Variants in PTPRD observed in about 807,000 individuals in gnomAD.
PTPRD encodes the protein receptor-type tyrosine-protein phosphatase delta.
In PTPRD, 34 loss-of-function variants were observed where a neutral mutation model predicts 214.5. The observed-to-expected ratio is 0.16, with a 90% confidence interval of 0.12 to 0.21. The LOEUF (loss-of-function observed/expected upper bound fraction) is 0.21. Ranked by LOEUF, PTPRD falls within the 10% of genes least tolerant of loss-of-function variation. The probability of loss-of-function intolerance (pLI) is 1.00; values close to 1 mark genes in which losing one functional copy is unlikely to be tolerated. For synonymous variants in PTPRD, 1,128 were observed against 845.7 expected (o/e 1.33, Z -5.79); for missense variants, 2,545 against 2,398.7 (o/e 1.06, Z -1.27).
intron 2 of PTPRD, among the ~76,000 whole-genome samples, chr9:10,604,496 G>A (rs904326348): frequency 6.6e-6 from 1 of 151,792 alleles, no homozygotes; most frequent in African/African-American, 2.4e-5. Flanking sequence ...ATATCCTCCT[G>A]AGGGGCAGGA....
intron 10 of PTPRD, among the ~76,000 whole-genome samples, chr9:9,107,131 A>G (rs1376978853): frequency 6.6e-6 from 1 of 152,296 alleles, no homozygotes; most frequent in South Asian, 2.1e-4. Context: ...TGAGGATATG[A>G]GTAATGGAAG....
chr9:9,401,923 TC>T (rs2141387705), intron 8 of PTPRD, among the ~76,000 whole-genome samples: 1 of 152,120 alleles, frequency 6.6e-6, no homozygotes, highest in Non-Finnish European at 1.5e-5. Flanking sequence ...TCCTGAGGCC[TC>T]CCAAGCCAAG....
At chr9:8,736,556 T>A (rs952749557) in intron 11 of PTPRD, among the ~76,000 whole-genome samples, 20 of 152,228 alleles carry the variant, frequency 1.3e-4, no homozygotes, top group Non-Finnish European at 2.1e-4. Context: ...CCATAGTATG[T>A]CATTTCTGAA....
intron 11 of PTPRD, among the ~76,000 whole-genome samples, chr9:8,760,753 G>C (rs1186841291): frequency 6.6e-6 from 1 of 151,950 alleles, no homozygotes; most frequent in East Asian, 1.9e-4. Context: ...GAATGCAATG[G>C]CCTTTCTAGT....
intron 11 of PTPRD, among the ~76,000 whole-genome samples, chr9:8,780,531 A>G (rs749423335): frequency 1.6e-4 from 24 of 152,166 alleles, no homozygotes; most frequent in Admixed American, 4.6e-4. Flanking sequence ...GAGGTACCGG[A>G]GAAGTCTAAC....
intron 5 of PTPRD, among the ~76,000 whole-genome samples, chr9:9,817,851 G>T (rs1049575624): frequency 6.6e-6 from 1 of 152,118 alleles, no homozygotes; most frequent in Non-Finnish European, 1.5e-5. Context: ...TGTGTCTCAC[G>T]GAAACCAGAA....
At chr9:8,638,459 A>G (rs2096496035) in intron 12 of PTPRD, among the ~76,000 whole-genome samples, 1 of 152,174 alleles carries the variant, frequency 6.6e-6, no homozygotes, top group South Asian at 2.1e-4. Flanking sequence ...ATGTAACTTT[A>G]CCATTTCTTG....
intron 7 of PTPRD, among the ~76,000 whole-genome samples, chr9:9,676,400 G>A: frequency 6.6e-6 from 1 of 151,510 alleles, no homozygotes; most frequent in Non-Finnish European, 1.5e-5. Flanking sequence ...CCTTGTGATA[G>A]TTTGCTGAGA....
rs141556940 is a variant in PTPRD at position 10,455,682 on chromosome 9, T to A, written c.-599-114665A>T. Among the ~76,000 whole-genome samples the A allele has an allele frequency of 4.6e-3, 694 of 151,936 alleles. 4 individuals are homozygous for A. The highest frequency in any genetic ancestry group is 0.016 in the African/African-American group (656 of 41,544). On this transcript the variant is annotated intron_variant, in intron 2 of 45. Transcript: ENST00000381196. Reference sequence around the variant, plus strand: ...CTTTATGGGACATATTCATCCTTTGTTGAGAACCAATACAATATGTTCTCC... The same window carrying A: ...CTTTATGGGACATATTCATCCTTTGATGAGAACCAATACAATATGTTCTCC...
In PTPRD at chr9:9,061,243, C is replaced by T. The variant is rs188180121; in HGVS notation, c.-142-42508G>A. On this transcript the variant is annotated intron_variant, in intron 10 of 45. Transcript: ENST00000381196. The stretch of plus-strand genomic sequence containing the variant: ...GTGTGTTTTTCTATGCGTTATACTG[C>T]AACACAAAAGAAAACAGACAAAGCA... Among the ~76,000 whole-genome samples the T allele has an allele frequency of 2.6e-5, 4 of 152,242 alleles. No individual in the cohort carries two copies. In the East Asian group the frequency reaches 5.8e-4, roughly 22 times the overall value.
At chr9:9,713,845 C>T (rs2097774792) in intron 7 of PTPRD, among the ~76,000 whole-genome samples, 1 of 151,994 alleles carries the variant, frequency 6.6e-6, no homozygotes, top group Non-Finnish European at 1.5e-5. Flanking sequence ...TTTGGAGAGT[C>T]TTATTTTATA....
chr9:8,521,643 T>C (rs1217454023), intron 19 of PTPRD, 97 bp from the exon 20 acceptor site: 27 of 1,375,238 alleles, frequency 2.0e-5, no homozygotes, highest in Non-Finnish European at 2.5e-5. Context: ...GATTCAACAA[T>C]TGAAACATTG....
At chr9:9,982,424 T>C (rs1163353714) in intron 4 of PTPRD, among the ~76,000 whole-genome samples, 3 of 151,604 alleles carry the variant, frequency 2.0e-5, no homozygotes, top group Non-Finnish European at 4.4e-5. Context: ...AAATCTCTTA[T>C]ATATTCAAAT....
chr9:9,972,365 C>A (rs1365345743), intron 4 of PTPRD, among the ~76,000 whole-genome samples: 2 of 152,128 alleles, frequency 1.3e-5, no homozygotes, highest in Non-Finnish European at 2.9e-5. Context: ...TTAGAGAACA[C>A]CCTTGGACTT....
intron 2 of PTPRD, among the ~76,000 whole-genome samples, chr9:10,391,876 G>C (rs1378257167): frequency 6.6e-6 from 1 of 151,658 alleles, no homozygotes; most frequent in Non-Finnish European, 1.5e-5. Flanking sequence ...ATGGCATCTT[G>C]GGTTTCTGCA....
chr9:10,173,771 T>C (rs546025796), intron 3 of PTPRD, among the ~76,000 whole-genome samples: 5 of 151,910 alleles, frequency 3.3e-5, no homozygotes, highest in African/African-American at 1.2e-4. Context: ...CCTTTGTGTC[T>C]GATGCTCTCA....
At chr9:9,756,935 A>C (rs1453831974) in intron 6 of PTPRD, among the ~76,000 whole-genome samples, 1 of 152,174 alleles carries the variant, frequency 6.6e-6, no homozygotes, top group African/African-American at 2.4e-5. Context: ...TTTTCAAATT[A>C]CTTTTTCTGT....
rs549496833 is a variant in PTPRD at position 10,550,924 on chromosome 9, T to C, written c.-600+61474A>G. On this transcript the variant is annotated intron_variant, in intron 2 of 45. Transcript: ENST00000381196. ...TCCCATGGCCTTATTCACTTCGGTA[T>C]TAACTTTCATTCTCCTATGGCTGTA... Among the ~76,000 whole-genome samples, 11 of 152,340 alleles carry C rather than the reference T, an allele frequency of 7.2e-5. No individual in the cohort carries two copies. The South Asian group carries it at 2.3e-3, about 32-fold the overall frequency.
chr9:8,501,853 G>A (rs1433374258), intron 23 of PTPRD, among the ~76,000 whole-genome samples: 1 of 152,060 alleles, frequency 6.6e-6, no homozygotes, highest in African/African-American at 2.4e-5. Flanking sequence ...AACTCTTCTT[G>A]AGACACCATT....
Sources: gnomAD v4.1 joint callset for allele counts (sites outside exome capture counted in the v4.1 genomes callset) on GRCh38, gnomAD v4.1.1 for gene constraint, MANE v1.5 for transcripts, NCBI Gene and HGNC (gene_info 2026-07-23, HGNC 2026-07-21) for gene names.